Variants in MMP26 observed in about 807,000 individuals in gnomAD.
MMP26 encodes matrix metalloproteinase-26.
Under a neutral mutation model 31.0 loss-of-function variants are expected in MMP26, and 33 were observed. The ratio of observed to expected loss-of-function variants is 1.06; its 90% CI spans 0.81 to 1.42. The LOEUF (loss-of-function observed/expected upper bound fraction) is 1.42, where lower values mean the gene tolerates loss of function less well. Among genes scored for constraint, MMP26 ranks in the 40% most tolerant of loss-of-function variants. The pLI is 0.00. For synonymous variants in MMP26, 122 were observed against 114.9 expected (o/e 1.06, Z -0.40); for missense variants, 347 against 316.1 (o/e 1.10, Z -0.74).
chr11:4,986,104 T>G (rs934143508), intron 2 of MMP26, among the ~76,000 whole-genome samples: 3 of 152,200 alleles, frequency 2.0e-5, no homozygotes, highest in Middle Eastern at 3.2e-3. Context: ...TGTTGTTTAA[T>G]CCTGTTGATG....
chr11:4,894,790 T>C (rs966750041), intron 2 of MMP26, among the ~76,000 whole-genome samples: 1 of 150,600 alleles, frequency 6.6e-6, no homozygotes, highest in Non-Finnish European at 1.5e-5. Flanking sequence ...AAGAGAGGAG[T>C]GAGAAGAAAA....
At chr11:4,759,281 T>A (rs888322339) in intron 1 of MMP26, among the ~76,000 whole-genome samples, 10 of 152,122 alleles carry the variant, frequency 6.6e-5, no homozygotes, top group African/African-American at 2.4e-4. Flanking sequence ...TAGTAAGGAT[T>A]GTTAGGCTGC....
chr11:4,900,816 C>G (rs1341507469), intron 2 of MMP26, among the ~76,000 whole-genome samples: 1 of 152,128 alleles, frequency 6.6e-6, no homozygotes, highest in Non-Finnish European at 1.5e-5. Context: ...AGTTACCCAC[C>G]ATTAACAATA....
chr11:4,777,637 A>G (rs1198247478), intron 2 of MMP26, among the ~76,000 whole-genome samples: 1 of 152,070 alleles, frequency 6.6e-6, no homozygotes, highest in African/African-American at 2.4e-5. Context: ...TTTCTCCTCA[A>G]AGGTGATCAC....
At chr11:4,925,483 A>T (rs1474236996) in intron 2 of MMP26, among the ~76,000 whole-genome samples, 3 of 152,232 alleles carry the variant, frequency 2.0e-5, no homozygotes, top group African/African-American at 7.2e-5. Context: ...GATATGCTGA[A>T]TTTAAAGAGA....
chr11:4,852,755 A>G (rs1370473147), intron 2 of MMP26, among the ~76,000 whole-genome samples: 1 of 152,180 alleles, frequency 6.6e-6, no homozygotes, highest in Non-Finnish European at 1.5e-5. Flanking sequence ...TCTCAAAGAG[A>G]TATCTTCACT....
chr11:4,928,390 T>A (rs1851302547), intron 2 of MMP26, among the ~76,000 whole-genome samples: 1 of 152,180 alleles, frequency 6.6e-6, no homozygotes, highest in African/African-American at 2.4e-5. Flanking sequence ...AAATTTATAC[T>A]CTAAATGTCA....
At chr11:4,920,674 A>G (rs1433897) in intron 2 of MMP26, among the ~76,000 whole-genome samples, 93,056 of 151,998 alleles carry the variant, frequency 0.61, 28,774 homozygotes, top group African/African-American at 0.69. Context: ...TGTTGTGTGC[A>G]GTTCTGTCAA....
chr11:4,752,956 T>C (rs1312666982), intron 1 of MMP26: 2 of 152,108 alleles, frequency 1.3e-5, no homozygotes, highest in Non-Finnish European at 2.9e-5. Flanking sequence ...GTAGGGGAAG[T>C]GGAATTATGG....
In MMP26 at chr11:4,972,786, A is replaced by T. The variant is rs547659092; in HGVS notation, c.-144-15282A>T. Among the ~76,000 whole-genome samples the T allele has an allele frequency of 2.2e-4, 34 of 152,350 alleles. No homozygotes were observed. In the East Asian group the frequency reaches 5.2e-3, roughly 23 times the overall value. On this transcript the variant is annotated intron_variant, in intron 2 of 7. Transcript: ENST00000380390. ...ATTTACATAAGAGTCCCAAGCCTGA[A>T]TACTGAACCAACAGATTTGCAAGTT... is the stretch of plus-strand genomic sequence containing the variant.
intron 2 of MMP26, among the ~76,000 whole-genome samples, chr11:4,915,964 T>C (rs938589893): frequency 6.6e-6 from 1 of 152,180 alleles, no homozygotes; most frequent in Non-Finnish European, 1.5e-5. Flanking sequence ...TGCTCTTTTC[T>C]GACTTCTGTA....
intron 2 of MMP26, among the ~76,000 whole-genome samples, chr11:4,862,644 G>T (rs1387203009): frequency 2.0e-5 from 3 of 152,158 alleles, no homozygotes; most frequent in Admixed American, 6.6e-5. Context: ...GAGCTCTGAG[G>T]TTGGGGTGAG....
intron 2 of MMP26, chr11:4,860,045 T>C (rs1049532633): frequency 3.0e-5 from 14 of 470,932 alleles, no homozygotes; most frequent in African/African-American, 2.6e-4. Flanking sequence ...GACAAGACAT[T>C]GGAATGGCAG....
At chr11:4,980,045 T>C (rs1846790985) in intron 2 of MMP26, among the ~76,000 whole-genome samples, 1 of 151,996 alleles carries the variant, frequency 6.6e-6, no homozygotes, top group Non-Finnish European at 1.5e-5. Context: ...AAAGTAAAAG[T>C]ATAATACAGG....
At chr11:4,810,705 C>G (rs1849338480) in intron 2 of MMP26, among the ~76,000 whole-genome samples, 1 of 152,172 alleles carries the variant, frequency 6.6e-6, no homozygotes, top group African/African-American at 2.4e-5. Flanking sequence ...GAAAAGAATT[C>G]CAAAGAAGAC....
chr11:4,894,207 A>G lies in MMP26; in HGVS notation c.-144-93861A>G, dbSNP rs149913587. 5.0e-3 allele frequency among the ~76,000 whole-genome samples: 760 copies of G among 152,242 alleles called. 9 individuals carry two copies. The highest frequency in any genetic ancestry group is 0.016 in the African/African-American group (654 of 41,558). ...ATTAATTTTTAATGCATTATGCTAG[A>G]TGTTTTATATCTGCTATTTCATTCA... On this transcript the variant is annotated intron_variant, in intron 2 of 7. Transcript: ENST00000380390.
At chr11:4,887,588 ACTT>A (rs1301039299) in intron 2 of MMP26, among the ~76,000 whole-genome samples, 1 of 152,082 alleles carries the variant, frequency 6.6e-6, no homozygotes, top group East Asian at 1.9e-4. Flanking sequence ...GTTACTCCTT[ACTT>A]CTTTTGGCAA....
chr11:4,777,855 G>T (rs573688848), intron 2 of MMP26, among the ~76,000 whole-genome samples: 1 of 151,962 alleles, frequency 6.6e-6, no homozygotes, highest in Admixed American at 6.6e-5. Context: ...GTTGTTGATG[G>T]ATGTTGTTGT....
At chr11:4,855,630 G>A (rs1201811882) in intron 2 of MMP26, among the ~76,000 whole-genome samples, 1 of 152,168 alleles carries the variant, frequency 6.6e-6, no homozygotes, top group Non-Finnish European at 1.5e-5. Flanking sequence ...AGAATGGAAT[G>A]AAGTTAGAAA....
Sources: gnomAD v4.1 joint callset for allele counts (sites outside exome capture counted in the v4.1 genomes callset) on GRCh38, gnomAD v4.1.1 for gene constraint, MANE v1.5 for transcripts, NCBI Gene and HGNC (gene_info 2026-07-23, HGNC 2026-07-21) for gene names.